ARHGEF28: variants seen among roughly 807,000 people sequenced by gnomAD.
ARHGEF28 encodes Rho guanine nucleotide exchange factor 28, also known as 190 kDa guanine nucleotide exchange factor.
ARHGEF28 carries 152 observed loss-of-function variants against 206.6 expected under a neutral mutation model. The observed-to-expected ratio is 0.74, with a 90% CI of 0.64 to 0.84. ARHGEF28 has a LOEUF of 0.84. Ranked by LOEUF, ARHGEF28 falls within the 40% of genes least tolerant of loss-of-function variation. The probability of loss-of-function intolerance (pLI) is 0.00; values close to 1 mark genes in which losing one functional copy is unlikely to be tolerated. For missense variants in ARHGEF28, 2,028 were observed against 2,073.2 expected (o/e 0.98, Z 0.42); for synonymous variants, 763 against 776.4 (o/e 0.98, Z 0.29).
Position 73,718,591 on chromosome 5 carries a change from CTT to C in ARHGEF28, c.34-31244_34-31243del, listed in dbSNP as rs148666856. 9.3e-3 allele frequency among the ~76,000 whole-genome samples: 1,415 copies of C among 152,232 alleles called. 21 individuals carry two copies. The highest frequency in any genetic ancestry group is 0.032 in the African/African-American group (1,326 of 41,534). ...GCAGGCATAGACGGTACGTTGGTCT[CTT>C]TCAGCCATGTCTGGGCCCAGATGTG... On this transcript the variant is annotated intron_variant, in intron 2 of 35. Coordinates refer to ENST00000513042, the MANE Select transcript of ARHGEF28 (RefSeq NM_001177693.2).
chr5:73,680,020 C>T (rs1182060919), intron 1 of ARHGEF28, among the ~76,000 whole-genome samples: 1 of 152,192 alleles, frequency 6.6e-6, no homozygotes, highest in African/African-American at 2.4e-5. Context: ...CAGAACCTTG[C>T]TCATGAATGA....
chr5:73,739,081 A>G (rs887544282), intron 2 of ARHGEF28, among the ~76,000 whole-genome samples: 1 of 152,196 alleles, frequency 6.6e-6, no homozygotes, highest in Non-Finnish European at 1.5e-5. Flanking sequence ...GGTATCCTAT[A>G]GTCCTTAGAG....
intron 2 of ARHGEF28, among the ~76,000 whole-genome samples, chr5:73,715,576 A>G (rs965798828): frequency 2.0e-5 from 3 of 152,240 alleles, no homozygotes; most frequent in Non-Finnish European, 2.9e-5. Flanking sequence ...GCAAATGTCT[A>G]CAATACCTTA....
chr5:73,783,495 T>G (rs1412257138), intron 7 of ARHGEF28, among the ~76,000 whole-genome samples: 1 of 152,148 alleles, frequency 6.6e-6, no homozygotes, highest in Non-Finnish European at 1.5e-5. Context: ...GTTAGAATTC[T>G]ACCCTGACAG....
At chr5:73,860,935 T>A (rs1759359613) in intron 16 of ARHGEF28, among the ~76,000 whole-genome samples, 1 of 152,188 alleles carries the variant, frequency 6.6e-6, no homozygotes, top group South Asian at 2.1e-4. Flanking sequence ...CTGCCTCTGC[T>A]ATTTTGCCTG....
chr5:73,777,559 A>G (rs1753610005), intron 6 of ARHGEF28, among the ~76,000 whole-genome samples: 1 of 152,234 alleles, frequency 6.6e-6, no homozygotes, highest in African/African-American at 2.4e-5. Flanking sequence ...AATTGAAATA[A>G]TGAGTTAGCC....
chr5:73,784,287 A>C (rs1754022823), intron 7 of ARHGEF28, among the ~76,000 whole-genome samples: 1 of 152,166 alleles, frequency 6.6e-6, no homozygotes, highest in Admixed American at 6.5e-5. Flanking sequence ...AGACTATAAT[A>C]ATTCTAGCCT....
intron 9 of ARHGEF28, among the ~76,000 whole-genome samples, chr5:73,814,497 G>A (rs1003263363): frequency 2.6e-5 from 4 of 152,040 alleles, no homozygotes; most frequent in African/African-American, 9.7e-5. Context: ...GGCAGTGATT[G>A]TTGCCTTCTG....
chr5:73,743,088 C>G (rs1287482497), intron 2 of ARHGEF28, among the ~76,000 whole-genome samples: 9 of 152,090 alleles, frequency 5.9e-5, no homozygotes, highest in African/African-American at 2.2e-4. Flanking sequence ...ATTCCTCATT[C>G]TTTCCTGCAT....
intron 27 of ARHGEF28, 121 bp from the exon 28 acceptor site, chr5:73,893,076 T>C: frequency 1.3e-6 from 1 of 799,438 alleles, no homozygotes; most frequent in South Asian, 2.4e-5. Context: ...ATGCATTCCC[T>C]TTATGCTGAA....
intron 9 of ARHGEF28, among the ~76,000 whole-genome samples, chr5:73,817,552 CAGT>C (rs925568829): frequency 6.6e-6 from 1 of 152,134 alleles, no homozygotes; most frequent in African/African-American, 2.4e-5. Flanking sequence ...ACACAGGGAA[CAGT>C]AACCATGGTA....
At chr5:73,689,498 A>G (rs976540054) in intron 2 of ARHGEF28, among the ~76,000 whole-genome samples, 1 of 152,168 alleles carries the variant, frequency 6.6e-6, no homozygotes, top group East Asian at 1.9e-4. Flanking sequence ...ACATGCCACC[A>G]TGGTCAGCTT....
At chr5:73,690,964 C>A (rs1452412817) in intron 2 of ARHGEF28, among the ~76,000 whole-genome samples, 1 of 151,710 alleles carries the variant, frequency 6.6e-6, no homozygotes, top group Admixed American at 6.6e-5. Flanking sequence ...AAATTCTCGC[C>A]GTGTCATCCA....
intron 35 of ARHGEF28, among the ~76,000 whole-genome samples, chr5:73,921,453 G>T (rs932581032): frequency 4.6e-5 from 7 of 152,190 alleles, no homozygotes; most frequent in Admixed American, 2.0e-4. Flanking sequence ...AGGGGCCACA[G>T]TATCCATTCT....
At chr5:73,774,936 G>A (rs1468508104) in intron 5 of ARHGEF28, among the ~76,000 whole-genome samples, 1 of 152,118 alleles carries the variant, frequency 6.6e-6, no homozygotes, top group Non-Finnish European at 1.5e-5. Flanking sequence ...TTTCTTGTTT[G>A]GCTCATGGAA....
rs1843726 is a variant in ARHGEF28, at chr5:73,855,738, A to G, written c.1791-1918A>G. 1.4e-3 allele frequency among the ~76,000 whole-genome samples: 212 copies of G among 152,204 alleles called. 2 individuals carry two copies. The highest frequency in any genetic ancestry group is 2.3e-3 in the Non-Finnish European group (158 of 68,042). On this transcript the variant is annotated intron_variant, in intron 14 of 35. Coordinates refer to ENST00000513042, the MANE Select transcript of ARHGEF28 (RefSeq NM_001177693.2). ...CGAGAGCAAAACTCCATCTCAAAAA[A>G]AAAAAAAAGTTAAAGTGTCGTGTTG...
intron 2 of ARHGEF28, among the ~76,000 whole-genome samples, chr5:73,735,252 T>A (rs1417564992): frequency 6.6e-6 from 1 of 151,610 alleles, no homozygotes; most frequent in Non-Finnish European, 1.5e-5. Flanking sequence ...ATTAATTAAA[T>A]TAAATTAAAA....
chr5:73,865,011 G>A, intron 17 of ARHGEF28, 139 bp downstream of exon 17: 4 of 729,726 alleles, frequency 5.5e-6, no homozygotes, highest in Non-Finnish European at 8.9e-6. Flanking sequence ...TATGCTCAAA[G>A]TGTATAGTTA....
At chr5:73,660,943 C>T (rs547649834) in intron 1 of ARHGEF28, among the ~76,000 whole-genome samples, 17 of 152,180 alleles carry the variant, frequency 1.1e-4, no homozygotes, top group Admixed American at 2.0e-4. Flanking sequence ...AAATGAGCAT[C>T]GGCTTCAACT....
Sources: gnomAD v4.1 joint callset for allele counts (sites outside exome capture counted in the v4.1 genomes callset) on GRCh38, gnomAD v4.1.1 for gene constraint, MANE v1.5 for transcripts, NCBI Gene and HGNC (gene_info 2026-07-23, HGNC 2026-07-21) for gene names.